The following PSD3 variants were observed in gnomAD, a reference collection of about 807,000 sequenced individuals.
PSD3 encodes the protein pleckstrin and Sec7 domain containing 3.
In PSD3, 49 loss-of-function variants were observed where a neutral mutation model predicts 105.5. The ratio of observed to expected loss-of-function variants is 0.46; its 90% CI spans 0.37 to 0.59. The LOEUF is 0.59. PSD3 is among the 20% of genes least tolerant of loss of function. The pLI is 0.00. For missense variants in PSD3, 1,561 were observed against 1,263.8 expected, an observed-to-expected ratio of 1.24 and a Z score of -3.57; for synonymous variants, 557 against 457.8, an observed-to-expected ratio of 1.22 and a Z score of -2.77.
intron 4 of PSD3, among the ~76,000 whole-genome samples, chr8:18,829,155 G>A (rs754122734): frequency 1.3e-5 from 2 of 152,144 alleles, no homozygotes; most frequent in Non-Finnish European, 2.9e-5. Context: ...GCTGAGACAG[G>A]TGGATCAACT....
intron 1 of PSD3, among the ~76,000 whole-genome samples, chr8:19,049,418 A>G (rs1258286995): frequency 6.6e-6 from 1 of 152,204 alleles, no homozygotes. Flanking sequence ...TGCCAGGCAC[A>G]GTGGCCCACA....
Position 18,695,697 on chromosome 8 carries a change from A to T in PSD3, c.2173-40012T>A, listed in dbSNP as rs1269739179. On this transcript the variant is annotated intron_variant, in intron 9 of 15. Transcript: ENST00000327040. Reference sequence around the variant, plus strand: ...ACGGTTTTGCTCTTCCTGGGTATATACACATACCAGAAAATAATTTTGCAT... The same window carrying T: ...ACGGTTTTGCTCTTCCTGGGTATATTCACATACCAGAAAATAATTTTGCAT... 2.0e-5 allele frequency among the ~76,000 whole-genome samples: 3 copies of T among 152,230 alleles called. No individual in the cohort carries two copies. The East Asian group carries it at 5.8e-4, about 29-fold the overall frequency.
intron 1 of PSD3, among the ~76,000 whole-genome samples, chr8:18,971,658 T>C (rs1262075964): frequency 2.0e-5 from 3 of 152,136 alleles, no homozygotes; most frequent in African/African-American, 7.2e-5. Flanking sequence ...AAGATAATTC[T>C]GCCATGGAGG....
intron 11 of PSD3, among the ~76,000 whole-genome samples, chr8:18,608,430 C>G (rs1239033710): frequency 6.6e-6 from 1 of 152,194 alleles, no homozygotes; most frequent in African/African-American, 2.4e-5. Flanking sequence ...GATCGTTATT[C>G]TGAGTCAAAC....
chr8:18,959,834 G>C (rs762548678), intron 1 of PSD3, among the ~76,000 whole-genome samples: 2 of 152,182 alleles, frequency 1.3e-5, no homozygotes, highest in Non-Finnish European at 2.9e-5. Context: ...TCTGAACAGA[G>C]AGGCCCTGCA....
chr8:18,575,614 C>A (rs1323936464), intron 12 of PSD3, among the ~76,000 whole-genome samples: 1 of 152,036 alleles, frequency 6.6e-6, no homozygotes, highest in East Asian at 1.9e-4. Context: ...TTATAATGAA[C>A]AGAAATGAGA....
rs1432241857 is a variant in PSD3, at chr8:18,876,951, T to A, written c.131-4218A>T. Among the ~76,000 whole-genome samples, 4 of 152,332 alleles carry A rather than the reference T, an allele frequency of 2.6e-5. No homozygotes were observed. The East Asian group carries it at 7.7e-4, about 29-fold the overall frequency. ...ACTAATTATGTTGAGCACCTTGTCA[T>A]GTGTTTTTTGGCCATTTGTGCATCT... is the stretch of plus-strand genomic sequence containing the variant. On this transcript the variant is annotated intron_variant, in intron 2 of 15. Transcript: ENST00000327040.
chr8:18,808,794 C>A, intron 4 of PSD3: 2 of 1,613,998 alleles, frequency 1.2e-6, no homozygotes, highest in Non-Finnish European at 1.7e-6. Flanking sequence ...CATCGCAACC[C>A]CTGGGGTGCG....
chr8:18,797,129 G>A (rs766581139), intron 8 of PSD3, among the ~76,000 whole-genome samples: 1 of 151,988 alleles, frequency 6.6e-6, no homozygotes. Flanking sequence ...TATTTACATG[G>A]TTAGTTCTTA....
chr8:18,677,217 G>A (rs1357780269), intron 9 of PSD3, among the ~76,000 whole-genome samples: 1 of 152,192 alleles, frequency 6.6e-6, no homozygotes, highest in African/African-American at 2.4e-5. Context: ...GAGGTGGGCA[G>A]CAGGGGGTAG....
At chr8:19,061,147 G>A (rs1005989954) in intron 1 of PSD3, among the ~76,000 whole-genome samples, 1 of 151,992 alleles carries the variant, frequency 6.6e-6, no homozygotes, top group Non-Finnish European at 1.5e-5. Context: ...TAACTACACA[G>A]ACAGTTTAAA....
Position 18,688,836 on chromosome 8 carries a change from G to A in PSD3, c.2173-33151C>T, listed in dbSNP as rs549782045. On this transcript the variant is annotated intron_variant, in intron 9 of 15. Transcript: ENST00000327040. ...TGAGCCAGCCTGTACAGAGACAGCC[G>A]AGCCGGCTTGCTATAAAATAAAAGC... 2.6e-5 allele frequency among the ~76,000 whole-genome samples: 4 copies of A among 152,296 alleles called. No individual in the cohort carries two copies. The East Asian group carries it at 7.7e-4, about 29-fold the overall frequency.
intron 1 of PSD3, among the ~76,000 whole-genome samples, chr8:18,983,058 G>A (rs1433395006): frequency 1.3e-5 from 2 of 152,186 alleles, no homozygotes; most frequent in Admixed American, 1.3e-4. Flanking sequence ...GTCATCAATG[G>A]TCTTAGCTAG....
At chr8:18,746,046 T>C (rs1282884185) in intron 9 of PSD3, among the ~76,000 whole-genome samples, 2 of 152,228 alleles carry the variant, frequency 1.3e-5, no homozygotes, top group Non-Finnish European at 2.9e-5. Flanking sequence ...GCCTGAAAGC[T>C]GAGCTACAAG....
At position 18,867,706 on chromosome 8, in the gene PSD3, C is replaced by T. The variant is rs748218537; in HGVS notation, c.1602G>A (p.Thr534=). The change falls in exon 4 of 16, where the codon ACG becomes ACA. Residue 534 remains threonine, a synonymous_variant. Transcript: ENST00000327040. ...AGAAAGCAATCTCCGGGGTGCCTTT[C>T]GTGTAGATGGAGTCGCTGGCATCAT... The part of the protein sequence containing the change: ...GLNDASDSIY[T]KGTPEIAFWG... 2.0e-5 allele frequency: 33 copies of T among 1,613,436 alleles called. No individual in the cohort carries two copies. The highest frequency in any genetic ancestry group is 1.7e-4 in the Middle Eastern group (1 of 6,054).
rs546834982 is a variant in PSD3 at position 18,853,114 on chromosome 8, T to C, written c.1634+14560A>G. ...CATAAAATATATTTCATGGCCTTTT[T>C]CCCTCAAATATTCTCTTTGTCATTT... is the stretch of plus-strand genomic sequence containing the variant. On this transcript the variant is annotated intron_variant, in intron 4 of 15. Transcript: ENST00000327040. Among the ~76,000 whole-genome samples, 34 of 152,258 alleles carry C rather than the reference T, an allele frequency of 2.2e-4. 1 individual carries two copies. The highest frequency in any genetic ancestry group is 1.1e-3 in the Admixed American group (17 of 15,300).
intron 2 of PSD3, among the ~76,000 whole-genome samples, chr8:18,887,775 G>C (rs946840641): frequency 1.3e-5 from 2 of 152,064 alleles, no homozygotes; most frequent in Admixed American, 1.3e-4. Flanking sequence ...TGCCAAACAG[G>C]GTGCTGAAAA....
intron 14 of PSD3, among the ~76,000 whole-genome samples, chr8:18,568,176 T>A (rs1391755689): frequency 1.3e-5 from 2 of 152,184 alleles, no homozygotes; most frequent in Non-Finnish European, 2.9e-5. Flanking sequence ...TCTTTCTAAA[T>A]GACCCAGGCT....
chr8:18,571,221 C>G (rs1481470626), intron 14 of PSD3, among the ~76,000 whole-genome samples: 1 of 152,142 alleles, frequency 6.6e-6, no homozygotes, highest in African/African-American at 2.4e-5. Flanking sequence ...CTACACACGA[C>G]AAACAAGGCC....
Sources: gnomAD v4.1 joint callset for allele counts (sites outside exome capture counted in the v4.1 genomes callset) on GRCh38, gnomAD v4.1.1 for gene constraint, MANE v1.5 for transcripts, NCBI Gene and HGNC (gene_info 2026-07-23, HGNC 2026-07-21) for gene names.